A1CF: variants seen among roughly 807,000 people sequenced by gnomAD.
A1CF encodes the protein APOBEC-1 stimulating protein.
In A1CF, 48 loss-of-function variants were observed where a neutral mutation model predicts 68.9. The ratio of observed to expected loss-of-function variants is 0.70; its 90% CI spans 0.55 to 0.89. A1CF has a LOEUF of 0.89. Among genes scored for constraint, A1CF ranks in the 40% least tolerant of loss-of-function variants. The pLI, the probability that A1CF is intolerant of heterozygous loss-of-function variation, is 0.00. For synonymous variants in A1CF, 272 were observed against 260.4 expected (o/e 1.04, Z -0.43); for missense variants, 653 against 718.9 (o/e 0.91, Z 1.05).
chr10:50,861,523 A>T (rs949377959), intron 2 of A1CF, among the ~76,000 whole-genome samples: 15 of 148,568 alleles, frequency 1.0e-4, no homozygotes, highest in African/African-American at 3.7e-4. Context: ...TACTATTAGT[A>T]ACAATAACAA....
At chr10:50,835,285 A>T (rs1839434861) in intron 6 of A1CF, among the ~76,000 whole-genome samples, 1 of 152,132 alleles carries the variant, frequency 6.6e-6, no homozygotes, top group Admixed American at 6.6e-5. Flanking sequence ...GGCAACATAA[A>T]TGTAGACATC....
At chr10:50,863,508 A>G (rs1840840342) in intron 2 of A1CF, among the ~76,000 whole-genome samples, 1 of 152,212 alleles carries the variant, frequency 6.6e-6, no homozygotes, top group South Asian at 2.1e-4. Context: ...TTTATCACCT[A>G]TTAATTCAGA....
chr10:50,877,374 C>A (rs545335044), intron 1 of A1CF, among the ~76,000 whole-genome samples: 1 of 152,070 alleles, frequency 6.6e-6, no homozygotes, highest in Non-Finnish European at 1.5e-5. Context: ...AGACTCTGAC[C>A]TTCTGAACTT....
chr10:50,836,093 C>T lies in A1CF; in HGVS notation c.585G>A (p.Ala195=), dbSNP rs61742973. Reference sequence around the variant, plus strand: ...GCTAACCTGGTAGCAGTTTCCTCCTCGCCATGGCAGCTGCTCGATGACTCT... The same window carrying T: ...GCTAACCTGGTAGCAGTTTCCTCCTTGCCATGGCAGCTGCTCGATGACTCT... ...EYESHRAAAM[A]RRKLLPGRIQ... Residue 195 remains alanine, a synonymous_variant, in exon 6 of 13, where the codon GCG becomes GCA. Transcript: ENST00000373997. The T allele has an allele frequency of 3.2e-3, 5,158 of 1,610,478 alleles. 111 individuals carry two copies. The African/African-American group carries it at 0.057, about 18-fold the overall frequency.
intron 5 of A1CF, among the ~76,000 whole-genome samples, chr10:50,838,741 T>A (rs568944262): frequency 6.6e-6 from 1 of 152,282 alleles, no homozygotes; most frequent in South Asian, 2.1e-4. Context: ...GCAACAAAAG[T>A]TCTTTCCCTG....
intron 6 of A1CF, among the ~76,000 whole-genome samples, chr10:50,832,148 G>A (rs928039371): frequency 1.3e-5 from 2 of 152,154 alleles, no homozygotes; most frequent in Non-Finnish European, 2.9e-5. Flanking sequence ...CAATTACCAT[G>A]GTATGGAATC....
At chr10:50,865,377 A>G (rs1387632874) in intron 1 of A1CF, among the ~76,000 whole-genome samples, 1 of 152,192 alleles carries the variant, frequency 6.6e-6, no homozygotes, top group Non-Finnish European at 1.5e-5. Context: ...AGGATTCAAT[A>G]TTAATATTGG....
chr10:50,846,385 A>G (rs533614366), intron 3 of A1CF, among the ~76,000 whole-genome samples: 1 of 152,250 alleles, frequency 6.6e-6, no homozygotes, highest in South Asian at 2.1e-4. Flanking sequence ...AAGATACTCA[A>G]CCTGAATTGC....
rs16909418 is a variant in A1CF at position 50,815,133 on chromosome 10, C to T, written c.1141+873G>A. On this transcript the variant is annotated intron_variant, in intron 9 of 12. Transcript: ENST00000373997. ...GAATAGACTTAAATGCACAGTTTAT[C>T]GAATTGCCCAGATTCATGTCGTATT... Among the ~76,000 whole-genome samples, 1,384 of 152,250 alleles carry T rather than the reference C, an allele frequency of 9.1e-3. 15 individuals are homozygous for T. The highest frequency in any genetic ancestry group is 0.031 in the African/African-American group (1,269 of 41,548).
chr10:50,853,596 C>T (rs1166901833), intron 3 of A1CF, among the ~76,000 whole-genome samples: 1 of 151,970 alleles, frequency 6.6e-6, no homozygotes, highest in East Asian at 1.9e-4. Context: ...CGAGTGAGGG[C>T]CCAGTGCTTG....
Position 50,816,228 on chromosome 10 carries a change from C to T in A1CF, c.919G>A (p.Asp307Asn), listed in dbSNP as rs1360119301. 1.2e-6 allele frequency: 2 copies of T among 1,613,596 alleles called. No homozygotes were observed. Among genetic ancestry groups the T allele is most frequent in the Middle Eastern group, 1.6e-4 (1 of 6,078 alleles). ...CCTCGGGTATACCTAACATAACTGTCCTTGTCCACTGGTTTTGCTAGGGTG... is the reference window on the plus strand; with the variant it reads ...CCTCGGGTATACCTAACATAACTGTTCTTGTCCACTGGTTTTGCTAGGGTG... ...EVTLAKPVDK[D>N]SYVRYTRGTG... Residue 307 changes from aspartate to asparagine, a missense_variant, in exon 9 of 13, where the codon GAC (aspartate) becomes AAC (asparagine). Physicochemically the swap from Asp to Asn is conservative, Grantham distance 23. Coordinates refer to ENST00000373997, the MANE Select transcript of A1CF (RefSeq NM_014576.4).
Position 50,801,869 on chromosome 10 carries a change from GT to G in A1CF, c.*4859del, listed in dbSNP as rs1427767352. On this transcript the variant is annotated 3_prime_UTR_variant, in exon 13 of 13. Coordinates refer to ENST00000373997, the MANE Select transcript of A1CF (RefSeq NM_014576.4). ...ATTTCATTATTAGTGAGAGTACAAG[GT>G]TTTCTTTTAGCTTTCCTACAAAACC... The G allele has an allele frequency of 6.6e-6, 1 of 152,036 alleles. No homozygotes were observed. Among genetic ancestry groups the G allele is most frequent in the Admixed American group, 6.6e-5 (1 of 15,258 alleles). 9.4% of individuals were successfully genotyped at this position (152,036 alleles called of 1,614,324 possible).
At chr10:50,848,967 T>TG (rs1214971522) in intron 3 of A1CF, among the ~76,000 whole-genome samples, 2 of 152,204 alleles carry the variant, frequency 1.3e-5, no homozygotes, top group African/African-American at 4.8e-5. Context: ...GTGTCACTTG[T>TG]GTTTCATGAG....
chr10:50,826,641 T>A (rs1295197447), intron 7 of A1CF, among the ~76,000 whole-genome samples: 2 of 151,980 alleles, frequency 1.3e-5, no homozygotes, highest in Non-Finnish European at 2.9e-5. Flanking sequence ...GCGCTAAACA[T>A]GGAAAGGAAT....
At chr10:50,832,129 C>T (rs1022531221) in intron 6 of A1CF, among the ~76,000 whole-genome samples, 1 of 152,158 alleles carries the variant, frequency 6.6e-6, no homozygotes, top group African/African-American at 2.4e-5. Flanking sequence ...TTTATTGAAG[C>T]ATTATTCACA....
chr10:50,832,289 A>G (rs1271193061), intron 6 of A1CF, among the ~76,000 whole-genome samples: 1 of 152,230 alleles, frequency 6.6e-6, no homozygotes, highest in Non-Finnish European at 1.5e-5. Flanking sequence ...GGCAAATGCT[A>G]CAAATCAGGG....
intron 6 of A1CF, chr10:50,828,525 A>T: frequency 2.9e-6 from 1 of 348,846 alleles, no homozygotes; most frequent in Non-Finnish European, 5.2e-6. Flanking sequence ...TATAAAGGGA[A>T]CCAGGACGTG....
At chr10:50,838,545 G>C (rs1366810664) in intron 5 of A1CF, among the ~76,000 whole-genome samples, 1 of 152,124 alleles carries the variant, frequency 6.6e-6, no homozygotes, top group Non-Finnish European at 1.5e-5. Context: ...GGTTTGTCAG[G>C]CACCTTTCCC....
Position 50,811,191 on chromosome 10 carries a change from A to G in A1CF, c.1324-15T>C, listed in dbSNP as rs1442906115. 1.9e-6 allele frequency: 3 copies of G among 1,592,504 alleles called. No individual in the cohort carries two copies. Among genetic ancestry groups the G allele is most frequent in the Non-Finnish European group, 2.6e-6 (3 of 1,169,022 alleles). ...TCTTCTAATATCTACAAGAATAAAA[A>G]AAGTTATTTCCCCCTCAAATGACAC... is the stretch of plus-strand genomic sequence containing the variant. On this transcript the variant is annotated splice_polypyrimidine_tract_variant and intron_variant, in intron 10 of 12. Coordinates refer to ENST00000373997, the MANE Select transcript of A1CF (RefSeq NM_014576.4).
Sources: gnomAD v4.1 joint callset for allele counts (sites outside exome capture counted in the v4.1 genomes callset) on GRCh38, gnomAD v4.1.1 for gene constraint, MANE v1.5 for transcripts, NCBI Gene and HGNC (gene_info 2026-07-23, HGNC 2026-07-21) for gene names.